GPR157: variants seen among roughly 807,000 people sequenced by gnomAD.
The protein encoded by GPR157 is G protein-coupled receptor 157.
A neutral mutation model predicts 23.5 loss-of-function variants in GPR157; 16 were observed. The ratio of observed to expected loss-of-function variants is 0.68; its 90% confidence interval spans 0.46 to 1.04. The LOEUF is 1.04. Among genes scored for constraint, GPR157 ranks in the 50% least tolerant of loss-of-function variants. GPR157 has a pLI of 0.00. For missense variants in GPR157, 440 were observed against 460.7 expected (o/e 0.96, Z 0.41); for synonymous variants, 200 against 221.5 (o/e 0.90, Z 0.86).
At chr1:9,113,192 A>G (rs563965580) in intron 1 of GPR157, among the ~76,000 whole-genome samples, 11 of 152,266 alleles carry the variant, frequency 7.2e-5, no homozygotes, top group Admixed American at 6.5e-4. Context: ...TGGTGCAGAC[A>G]CTGGTGCTGC....
intron 1 of GPR157, among the ~76,000 whole-genome samples, chr1:9,126,414 T>C (rs886747178): frequency 6.6e-6 from 1 of 152,244 alleles, no homozygotes; most frequent in South Asian, 2.1e-4. Context: ...TCAGGATATT[T>C]GTGGGTTTAA....
intron 1 of GPR157, among the ~76,000 whole-genome samples, chr1:9,116,780 T>G (rs952305128): frequency 6.6e-6 from 1 of 151,614 alleles, no homozygotes; most frequent in Admixed American, 6.6e-5. Context: ...CTTGCTCTGT[T>G]GCCCAGACTG....
intron 1 of GPR157, among the ~76,000 whole-genome samples, chr1:9,116,309 T>TATAATATAATTATA (rs1466795332): frequency 1.4e-4 from 1 of 6,986 alleles, no homozygotes; most frequent in African/African-American, 1.4e-3. Context: ...ATATATTATA[T>TATAATATAATTATA]TATATATAAT....
At chr1:9,122,562 G>A (rs752595737) in intron 1 of GPR157, among the ~76,000 whole-genome samples, 6 of 152,140 alleles carry the variant, frequency 3.9e-5, no homozygotes, top group Middle Eastern at 3.2e-3. Flanking sequence ...ACCAGTAAGG[G>A]AATATGTCCA....
In GPR157 at chr1:9,117,559, A is replaced by T. The variant is rs1638709384; in HGVS notation, c.384-6070T>A. Among the ~76,000 whole-genome samples the T allele has an allele frequency of 1.3e-5, 2 of 152,270 alleles. 1 individual carries two copies. The highest frequency in any genetic ancestry group is 4.1e-4 in the South Asian group (2 of 4,836). ...CAGATCACCTGAAGTCAGAAGTTTGAGACCAGCCTCGCCAACATGGCGAAA... is the reference window on the plus strand; with the variant it reads ...CAGATCACCTGAAGTCAGAAGTTTGTGACCAGCCTCGCCAACATGGCGAAA... On this transcript the variant is annotated intron_variant, in intron 1 of 3. Coordinates refer to ENST00000377411, the MANE Select transcript of GPR157 (RefSeq NM_024980.5).
chr1:9,106,661 C>T (rs1045050689), intron 2 of GPR157, among the ~76,000 whole-genome samples: 3 of 152,214 alleles, frequency 2.0e-5, no homozygotes, highest in African/African-American at 7.2e-5. Flanking sequence ...AGGCCCGACA[C>T]CCCTATTTAA....
rs530900298 is a variant in GPR157 at position 9,114,467 on chromosome 1, G to A, written c.384-2978C>T. Among the ~76,000 whole-genome samples, 3 of 152,214 alleles carry A rather than the reference G, an allele frequency of 2.0e-5. No homozygotes were observed. In the South Asian group the frequency reaches 6.2e-4, roughly 32 times the overall value. ...GGAAGGAGGTGAGCACTGTATGTAG[G>A]AACAGTCCCCCTGCAGGAGGCTGGT... On this transcript the variant is annotated intron_variant, in intron 1 of 3. Coordinates refer to ENST00000377411, the MANE Select transcript of GPR157 (RefSeq NM_024980.5).
chr1:9,109,723 T>C (rs1638433912), intron 2 of GPR157, among the ~76,000 whole-genome samples: 1 of 152,066 alleles, frequency 6.6e-6, no homozygotes, highest in South Asian at 2.1e-4. Context: ...CAATGGGAAG[T>C]CCCACAGCCA....
At chr1:9,123,773 A>AATATATATTTAATATTATATATATTTAT (rs1638905337) in intron 1 of GPR157, among the ~76,000 whole-genome samples, 1 of 129,538 alleles carries the variant, frequency 7.7e-6, no homozygotes, top group Non-Finnish European at 1.6e-5. Context: ...TATATATTTA[A>AATATATATTTAATATTATATATATTTAT]TATTAAATAT....
rs1043615424 is a variant in GPR157, at chr1:9,100,945, G to C, written c.*3474C>G. The C allele has an allele frequency of 6.6e-6, 1 of 152,228 alleles. No homozygotes were observed. The highest frequency in any genetic ancestry group is 2.4e-5 in the African/African-American group (1 of 41,438). The allele number at this position is 152,228 out of a possible 1,614,324, so 9.4% of individuals were successfully genotyped here. ...GCCTGGGAGGTGGAGGCTGCAGTGAGCCATGATTGCATCACTGCACTCCAG... is the reference window on the plus strand; with the variant it reads ...GCCTGGGAGGTGGAGGCTGCAGTGACCCATGATTGCATCACTGCACTCCAG... On this transcript the variant is annotated 3_prime_UTR_variant, in exon 4 of 4. Coordinates refer to ENST00000377411, the MANE Select transcript of GPR157 (RefSeq NM_024980.5).
Sources: allele counts gnomAD v4.1 joint callset (sites outside exome capture counted in the v4.1 genomes callset), GRCh38; gene constraint gnomAD v4.1.1; transcripts MANE v1.5; gene names NCBI Gene and HGNC (gene_info 2026-07-23, HGNC 2026-07-21).